GRK4: variants seen among roughly 807,000 people sequenced by gnomAD.
GRK4 encodes the protein G protein-coupled receptor kinase 4, also known as G protein-coupled receptor kinase 2-like.
GRK4 carries 73 observed loss-of-function variants against 77.9 expected under a neutral mutation model. That is an observed-to-expected ratio of 0.94 (90% CI 0.78 to 1.14). GRK4 has a LOEUF of 1.14. GRK4 is among the 50% of genes most tolerant of loss of function. GRK4 has a pLI of 0.00. For synonymous variants in GRK4, 257 were observed against 254.4 expected (o/e 1.01, Z -0.10); for missense variants, 729 against 700.2 (o/e 1.04, Z -0.46).
chr4:2,975,174 G>A (rs897496283), intron 1 of GRK4, among the ~76,000 whole-genome samples: 4 of 152,058 alleles, frequency 2.6e-5, no homozygotes, highest in Admixed American at 1.3e-4. Context: ...GTGGTTGCGC[G>A]CACCTGTAGT....
At chr4:3,026,958 G>A (rs965390260) in intron 10 of GRK4, among the ~76,000 whole-genome samples, 1 of 152,240 alleles carries the variant, frequency 6.6e-6, no homozygotes, top group Non-Finnish European at 1.5e-5. Flanking sequence ...TAGAAGCTGA[G>A]GATAAGTGGT....
intron 1 of GRK4, 74 bp downstream of exon 1, chr4:2,964,196 A>G: frequency 2.6e-6 from 3 of 1,150,296 alleles, no homozygotes; most frequent in Non-Finnish European, 3.6e-6. Flanking sequence ...GCCCCCCTGA[A>G]GGAACCCGAC....
chr4:3,027,685 C>T (rs2110036769), intron 10 of GRK4, among the ~76,000 whole-genome samples: 1 of 152,290 alleles, frequency 6.6e-6, no homozygotes. Context: ...GCTTCCTGAT[C>T]AATAGCCAGG....
At chr4:2,996,879 A>G (rs1273699478) in intron 4 of GRK4, among the ~76,000 whole-genome samples, 2 of 152,162 alleles carry the variant, frequency 1.3e-5, no homozygotes, top group African/African-American at 4.8e-5. Context: ...CTTGTCTTTT[A>G]TTTTAAAACA....
At chr4:2,976,285 G>A (rs908943692) in intron 1 of GRK4, among the ~76,000 whole-genome samples, 2 of 150,112 alleles carry the variant, frequency 1.3e-5, no homozygotes, top group African/African-American at 2.5e-5. Context: ...AGGCTGGAAT[G>A]CAGTGGCGCA....
chr4:3,021,559 C>A (rs963369227), intron 9 of GRK4, among the ~76,000 whole-genome samples: 9 of 152,182 alleles, frequency 5.9e-5, no homozygotes, highest in Non-Finnish European at 1.2e-4. Context: ...GGGGCTGACA[C>A]CTCCGCACCT....
At chr4:2,995,112 C>G (rs568721667) in intron 4 of GRK4, among the ~76,000 whole-genome samples, 43 of 152,240 alleles carry the variant, frequency 2.8e-4, no homozygotes, top group East Asian at 3.9e-4. Flanking sequence ...AGAACATGAT[C>G]GTTCTCTTTT....
At chr4:2,979,418 A>AC (rs1722184268) in intron 1 of GRK4, among the ~76,000 whole-genome samples, 1 of 150,490 alleles carries the variant, frequency 6.6e-6, no homozygotes, top group African/African-American at 2.4e-5. Context: ...AAAAAAAAAA[A>AC]AAAAAAAAGA....
intron 1 of GRK4, among the ~76,000 whole-genome samples, chr4:2,977,906 A>G (rs1721692421): frequency 6.6e-6 from 1 of 152,204 alleles, no homozygotes; most frequent in African/African-American, 2.4e-5. Context: ...TGTTGTGACT[A>G]TTAGGAGTTC....
chr4:3,018,910 AGG>A (rs978101785), intron 8 of GRK4, among the ~76,000 whole-genome samples: 1 of 152,146 alleles, frequency 6.6e-6, no homozygotes, highest in Non-Finnish European at 1.5e-5. Flanking sequence ...CTAAATAAAT[AGG>A]GGGAGACCAT....
At chr4:2,989,440 GTC>G (rs753988937) in intron 3 of GRK4, among the ~76,000 whole-genome samples, 3 of 152,010 alleles carry the variant, frequency 2.0e-5, no homozygotes, top group African/African-American at 7.2e-5. Flanking sequence ...TTGAAATGGA[GTC>G]TCTCTCTGTC....
At chr4:3,037,306 C>A (rs879850984) in intron 13 of GRK4, 68 bp from the exon 14 acceptor site, 54 of 1,466,728 alleles carry the variant, frequency 3.7e-5, no homozygotes, top group Admixed American at 7.6e-5. Context: ...GCGTTTCATT[C>A]TTGGGAACTG....
In GRK4 at chr4:3,004,314, A is replaced by T; in HGVS notation, c.423A>T (p.Lys141Asn). Residue 141 changes from lysine to asparagine, a missense_variant, in exon 5 of 16, where the codon AAA (lysine) becomes AAT (asparagine). Transcript: ENST00000398052. ...TGAAGGAGGAGAACCCTTCCAAAAA[A>T]GCCTTTGAGGAATGTACTAGGTAAG... Reference protein sequence around the residue: ...LGLKEENPSKKAFEECTRVAH... With the variant: ...LGLKEENPSKNAFEECTRVAH... 1 of 1,611,344 alleles carries T rather than the reference A, an allele frequency of 6.2e-7. No individual in the cohort carries two copies. The highest frequency in any genetic ancestry group is 8.5e-7 in the Non-Finnish European group (1 of 1,177,474).
intron 10 of GRK4, among the ~76,000 whole-genome samples, chr4:3,026,772 T>G (rs2515932): frequency 0.46 from 70,564 of 152,146 alleles, 17,618 homozygotes; most frequent in African/African-American, 0.64. Flanking sequence ...CGTGCATGCA[T>G]CTGAGTCAGA....
rs2109332320 is a variant in GRK4, at chr4:2,963,879, C to G, written c.-192C>G. The G allele has an allele frequency of 1.5e-6, 1 of 652,950 alleles. No individual in the cohort carries two copies. Among genetic ancestry groups the G allele is most frequent in the East Asian group, 2.8e-5 (1 of 35,180 alleles). 40.4% of individuals were successfully genotyped at this position (652,950 alleles called of 1,614,324 possible). On this transcript the variant is annotated 5_prime_UTR_variant, in exon 1 of 16. Coordinates refer to ENST00000398052, the MANE Select transcript of GRK4 (RefSeq NM_182982.3). Reference sequence around the variant, plus strand: ...CGACCGCTCCCCTGCTGGTGAGGGCCTGCGGAGGCGGCGGCGGCGGCGCCC... The same window carrying G: ...CGACCGCTCCCCTGCTGGTGAGGGCGTGCGGAGGCGGCGGCGGCGGCGCCC...
In GRK4 at chr4:3,013,821, GA is replaced by G; in HGVS notation, c.735del (p.Arg245SerfsTer3). On this transcript the variant is annotated frameshift_variant, in exon 8 of 16. Coordinates refer to ENST00000398052, the MANE Select transcript of GRK4 (RefSeq NM_182982.3). LOFTEE classifies it high-confidence loss of function. Reference protein sequence around the residue: ...EKRILEKVQSRFVVSLAYAYE... With the variant: ...EKRILEKVQSXFVVSLAYAYE... ...AGAATTCTGGAGAAAGTGCAAAGTAGATTCGTAGTAAGTGTCTCCTCTTAGT... is the reference window on the plus strand; with the variant it reads ...AGAATTCTGGAGAAAGTGCAAAGTAGTTCGTAGTAAGTGTCTCCTCTTAGT... 1 of 1,608,126 alleles carries G rather than the reference GA, an allele frequency of 6.2e-7. No individual in the cohort carries two copies. The highest frequency in any genetic ancestry group is 1.1e-5 in the South Asian group (1 of 89,428).
intron 2 of GRK4, among the ~76,000 whole-genome samples, chr4:2,986,147 G>A (rs1485927200): frequency 1.3e-5 from 2 of 151,892 alleles, no homozygotes; most frequent in African/African-American, 2.4e-5. Flanking sequence ...TTACCTTTCT[G>A]TCAACAGTAT....
intron 11 of GRK4, 129 bp from the exon 12 acceptor site, chr4:3,029,071 CT>C: frequency 5.4e-6 from 4 of 735,160 alleles, no homozygotes; most frequent in Non-Finnish European, 8.9e-6. Flanking sequence ...CGCTCCCAGC[CT>C]TAACATAATG....
intron 15 of GRK4, among the ~76,000 whole-genome samples, chr4:3,040,239 G>A (rs745548789): frequency 1.3e-5 from 2 of 152,056 alleles, no homozygotes; most frequent in African/African-American, 2.4e-5. Context: ...TCAGGAGTTC[G>A]AGAGCAACCT....
Sources: gnomAD v4.1 joint callset for allele counts (sites outside exome capture counted in the v4.1 genomes callset) on GRCh38, gnomAD v4.1.1 for gene constraint, MANE v1.5 for transcripts, NCBI Gene and HGNC (gene_info 2026-07-23, HGNC 2026-07-21) for gene names.